The following DAPK1 variants were observed in gnomAD, a reference collection of about 807,000 sequenced individuals.
DAPK1 encodes death associated protein kinase 1, also known as death-associated protein kinase 1.
Under a neutral mutation model 144.9 loss-of-function variants are expected in DAPK1, and 56 were observed. The ratio of observed to expected loss-of-function variants is 0.39; its 90% CI spans 0.31 to 0.48. The LOEUF (loss-of-function observed/expected upper bound fraction) is 0.48. DAPK1 is among the 20% of genes least tolerant of loss of function. DAPK1 has a pLI of 0.95. For missense variants in DAPK1, 1,454 were observed against 1,875.4 expected (o/e 0.78, Z 4.15); for synonymous variants, 690 against 749.0 (o/e 0.92, Z 1.29).
intron 2 of DAPK1, among the ~76,000 whole-genome samples, chr9:87,515,688 C>T (rs1396122356): frequency 6.6e-6 from 1 of 152,016 alleles, no homozygotes; most frequent in Non-Finnish European, 1.5e-5. Context: ...AAAAGATTGC[C>T]GATTTGGGGA....
intron 1 of DAPK1, chr9:87,498,622 G>A: frequency 3.1e-6 from 1 of 321,468 alleles, no homozygotes; most frequent in Non-Finnish European, 5.6e-6. Context: ...TCATTCTTCC[G>A]CGGCGTCCCT....
chr9:87,576,811 C>T (rs915864552), intron 2 of DAPK1, among the ~76,000 whole-genome samples: 4 of 152,130 alleles, frequency 2.6e-5, no homozygotes, highest in African/African-American at 9.7e-5. Flanking sequence ...CTGCCCACCT[C>T]GGCCTCCCAA....
intron 2 of DAPK1, among the ~76,000 whole-genome samples, chr9:87,582,325 G>A (rs188484082): frequency 2.0e-5 from 3 of 152,266 alleles, no homozygotes; most frequent in East Asian, 1.9e-4. Context: ...GAGAAACAGC[G>A]ATCATTAGCG....
chr9:87,695,188 G>A (rs530047136), intron 21 of DAPK1, among the ~76,000 whole-genome samples: 35 of 152,330 alleles, frequency 2.3e-4, no homozygotes, highest in Non-Finnish European at 4.0e-4. Flanking sequence ...CACTCCAAGA[G>A]CCAATTTCTG....
intron 2 of DAPK1, among the ~76,000 whole-genome samples, chr9:87,554,921 C>G (rs189487756): frequency 6.6e-6 from 1 of 152,180 alleles, no homozygotes; most frequent in African/African-American, 2.4e-5. Context: ...CTGCCACAAT[C>G]TACAGTGAGA....
In DAPK1 at chr9:87,684,536, A is replaced by G. The variant is rs1587843205; in HGVS notation, c.2225-2015A>G. 2.0e-5 allele frequency among the ~76,000 whole-genome samples: 3 copies of G among 152,324 alleles called. No homozygotes were observed. The South Asian group carries it at 6.2e-4, about 32-fold the overall frequency. ...CGCTGGAGGCCAAGGCTGAGCTCCC[A>G]GCCAGGAGACCGGACGGGGTCCCCT... On this transcript the variant is annotated intron_variant, in intron 20 of 25. Transcript: ENST00000408954.
chr9:87,561,450 C>T (rs113180009), intron 2 of DAPK1, among the ~76,000 whole-genome samples: 1,952 of 152,010 alleles, frequency 0.013, 40 homozygotes, highest in African/African-American at 0.043. Context: ...GGCGTGAACC[C>T]GGGAGGCGGA....
chr9:87,501,142 G>A (rs750228122), intron 2 of DAPK1, among the ~76,000 whole-genome samples: 11 of 152,188 alleles, frequency 7.2e-5, no homozygotes, highest in Non-Finnish European at 1.3e-4. Context: ...TTTGGTGGCA[G>A]GAAAATGGAA....
rs2118089279 is a variant in DAPK1, at chr9:87,703,205, C to T, written c.3048C>T (p.His1016=). 1 of 1,608,504 alleles carries T rather than the reference C, an allele frequency of 6.2e-7. No homozygotes were observed. The highest frequency in any genetic ancestry group is 8.5e-7 in the Non-Finnish European group (1 of 1,174,894). Residue 1016 remains histidine, a synonymous_variant, in exon 25 of 26, where the codon CAC becomes CAT. Coordinates refer to ENST00000408954, the MANE Select transcript of DAPK1 (RefSeq NM_004938.4). ...EDLRRIAQQL[H]STGEINIMQS... ...TCAGGCGCATTGCTCAGCAGCTCCACAGCACAGGCGAGGTGAGCCCCTGGG... is the reference window on the plus strand; with the variant it reads ...TCAGGCGCATTGCTCAGCAGCTCCATAGCACAGGCGAGGTGAGCCCCTGGG...
Position 87,697,024 on chromosome 9 carries a change from G to A in DAPK1, c.2431G>A (p.Val811Met), listed in dbSNP as rs772773066. 59 of 1,578,730 alleles carry A rather than the reference G, an allele frequency of 3.7e-5. No individual in the cohort carries two copies. Among genetic ancestry groups the A allele is most frequent in the Middle Eastern group, 3.3e-4 (2 of 6,040 alleles). Reference sequence around the variant, plus strand: ...TTCTGTAGGAGTTGGCGATTTCAGCGTGTGGGAGTTCTCTGGAAATCCTGT... The same window carrying A: ...TTCTGTAGGAGTTGGCGATTTCAGCATGTGGGAGTTCTCTGGAAATCCTGT... ...AYLNGVGDFS[V>M]WEFSGNPVYF... Residue 811 changes from valine (V) to methionine (M), a missense_variant, in exon 22 of 26, where the codon GTG becomes ATG. This residue lies in a region of DAPK1 where 1,025 missense variants were observed against 1,237.9 expected (regional missense o/e 0.83). Transcript: ENST00000408954.
intron 2 of DAPK1, among the ~76,000 whole-genome samples, chr9:87,575,551 A>G (rs1587732874): frequency 6.6e-6 from 1 of 152,216 alleles, no homozygotes; most frequent in African/African-American, 2.4e-5. Context: ...TGGAAGTCCC[A>G]GGCATGTCAC....
intron 2 of DAPK1, among the ~76,000 whole-genome samples, chr9:87,544,386 T>C (rs2118497880): frequency 6.6e-6 from 1 of 152,332 alleles, no homozygotes; most frequent in South Asian, 2.1e-4. Context: ...AATTTTCATT[T>C]TTAGATATTG....
chr9:87,587,853 T>C (rs1827991811), intron 2 of DAPK1, among the ~76,000 whole-genome samples: 1 of 152,218 alleles, frequency 6.6e-6, no homozygotes, highest in African/African-American at 2.4e-5. Flanking sequence ...TTTTCCCCAA[T>C]AGAACAATGT....
intron 2 of DAPK1, among the ~76,000 whole-genome samples, chr9:87,571,473 A>ACACACACCC (rs377253457): frequency 1.7e-5 from 1 of 57,620 alleles, no homozygotes; most frequent in Non-Finnish European, 3.1e-5. Flanking sequence ...ACACACACAC[A>ACACACACCC]CCAACACACA....
chr9:87,605,093 C>CT lies in DAPK1; in HGVS notation c.203dup (p.Lys69GlufsTer16). On this transcript the variant is annotated frameshift_variant, in exon 3 of 26. Transcript: ENST00000408954. The stretch of plus-strand genomic sequence containing the variant: ...GGACATCGAGCGGGAGGTCAGCATC[C>CT]TGAAGGAGATCCAGCACCCCAATGT... 6.2e-7 allele frequency: 1 copy of CT among 1,614,194 alleles called. No homozygotes were observed. The highest frequency in any genetic ancestry group is 8.5e-7 in the Non-Finnish European group (1 of 1,180,034).
chr9:87,663,030 ATCC>A (rs1289774628), intron 18 of DAPK1, among the ~76,000 whole-genome samples: 1 of 151,690 alleles, frequency 6.6e-6, no homozygotes, highest in East Asian at 1.9e-4. Flanking sequence ...AAGCAATTCC[ATCC>A]TCCTCTCCTT....
intron 2 of DAPK1, among the ~76,000 whole-genome samples, chr9:87,599,732 T>C (rs1294679514): frequency 6.6e-6 from 1 of 152,216 alleles, no homozygotes; most frequent in Non-Finnish European, 1.5e-5. Flanking sequence ...AAAAAGTTGG[T>C]GTACAGTTGA....
intron 10 of DAPK1, 30 bp from the exon 11 acceptor site, chr9:87,643,346 C>CTT (rs1472995654): frequency 1.1e-5 from 12 of 1,103,658 alleles, no homozygotes; most frequent in African/African-American, 5.0e-5. Context: ...CCCCGCCCTC[C>CTT]CTTTTTTTTT....
rs187577610 is a variant in DAPK1 at position 87,560,865 on chromosome 9, C to G, written c.63-44089C>G. Among the ~76,000 whole-genome samples, 40 of 152,060 alleles carry G rather than the reference C, an allele frequency of 2.6e-4. No homozygotes were observed. In the East Asian group the frequency reaches 4.9e-3, roughly 18 times the overall value. ...ATTTTTAGTAGAGACGGAGTTTCAC[C>G]GTGTTGGCCAGGCTGGTCTTGAACT... On this transcript the variant is annotated intron_variant, in intron 2 of 25. Transcript: ENST00000408954.
Sources: gnomAD v4.1 joint callset for allele counts (sites outside exome capture counted in the v4.1 genomes callset) on GRCh38, gnomAD v4.1.1 for gene constraint, gnomAD v4.1.1 regional missense constraint, MANE v1.5 for transcripts, NCBI Gene and HGNC (gene_info 2026-07-23, HGNC 2026-07-21) for gene names.